Variants in PLPP1 observed in about 807,000 individuals in gnomAD.
PLPP1 encodes phospholipid phosphatase 1, also known as lipid phosphate phosphohydrolase 1a.
In PLPP1, 24 loss-of-function variants were observed where a neutral mutation model predicts 31.2. That is an observed-to-expected ratio of 0.77 (90% confidence interval 0.56 to 1.08). PLPP1 has a LOEUF of 1.08. Ranked by LOEUF, PLPP1 falls within the 50% of genes least tolerant of loss-of-function variation. The pLI is 0.00. For synonymous variants in PLPP1, 146 were observed against 126.3 expected (o/e 1.16, Z -1.05); for missense variants, 319 against 342.7 (o/e 0.93, Z 0.55).
chr5:55,434,843 C>G (rs1367391012), intron 4 of PLPP1, among the ~76,000 whole-genome samples: 1 of 152,094 alleles, frequency 6.6e-6, no homozygotes, highest in Non-Finnish European at 1.5e-5. Context: ...GGATATTGGT[C>G]TGGGCAAAGA....
intron 1 of PLPP1, among the ~76,000 whole-genome samples, chr5:55,503,351 G>C (rs183401775): frequency 6.6e-6 from 1 of 152,274 alleles, no homozygotes; most frequent in East Asian, 1.9e-4. Context: ...TGGTCATCTG[G>C]CTGTAATGTG....
rs1740815480 is a variant in PLPP1 at position 55,534,568 on chromosome 5, G to T, written c.58+4C>A. 3 of 1,542,272 alleles carry T rather than the reference G, an allele frequency of 1.9e-6. No individual in the cohort carries two copies. Among genetic ancestry groups the T allele is most frequent in the Non-Finnish European group, 1.7e-6 (2 of 1,146,548 alleles). On this transcript the variant is annotated splice_donor_region_variant and intron_variant, in intron 1 of 5. Transcript: ENST00000307259. ...GCCCCTCGGACCCGGCGGCGCGTAC[G>T]TACCCAGCAACACGCAGAGCACATC...
At chr5:55,449,080 T>C (rs763332040) in intron 3 of PLPP1, among the ~76,000 whole-genome samples, 20 of 152,218 alleles carry the variant, frequency 1.3e-4, no homozygotes, top group Non-Finnish European at 2.4e-4. Flanking sequence ...TCCACAGATA[T>C]GGAGAACTGA....
chr5:55,524,016 C>T (rs184428998), intron 1 of PLPP1, among the ~76,000 whole-genome samples: 87 of 152,228 alleles, frequency 5.7e-4, no homozygotes, highest in Non-Finnish European at 1.2e-3. Flanking sequence ...TTTGCAGCTC[C>T]TAGCATTGTA....
chr5:55,456,198 T>G (rs1752003500), intron 3 of PLPP1, among the ~76,000 whole-genome samples: 2 of 152,196 alleles, frequency 1.3e-5, no homozygotes. Flanking sequence ...CCACTTATGC[T>G]CTTAGTTCTA....
At chr5:55,518,328 T>G (rs925550766) in intron 1 of PLPP1, among the ~76,000 whole-genome samples, 1 of 151,924 alleles carries the variant, frequency 6.6e-6, no homozygotes, top group African/African-American at 2.4e-5. Flanking sequence ...TCTGGGTTAG[T>G]CTCATACAGC....
At chr5:55,484,941 T>A (rs1752745696) in intron 1 of PLPP1, 1 of 152,230 alleles carries the variant, frequency 6.6e-6, no homozygotes, top group South Asian at 2.1e-4. Context: ...CATATCAATG[T>A]GCCAGAAAAG....
chr5:55,482,748 G>A (rs1052778116), intron 1 of PLPP1, among the ~76,000 whole-genome samples: 31 of 152,022 alleles, frequency 2.0e-4, no homozygotes, highest in Admixed American at 1.9e-3. Context: ...AAGCCACTTC[G>A]CCATAAGAAC....
intron 3 of PLPP1, among the ~76,000 whole-genome samples, chr5:55,457,815 G>A (rs1386615877): frequency 6.6e-6 from 1 of 151,624 alleles, no homozygotes; most frequent in Non-Finnish European, 1.5e-5. Flanking sequence ...CTTGAACCCG[G>A]GAGGCAGAGG....
At chr5:55,481,076 C>G (rs1019671532) in intron 1 of PLPP1, among the ~76,000 whole-genome samples, 2 of 152,176 alleles carry the variant, frequency 1.3e-5, no homozygotes, top group Admixed American at 6.5e-5. Context: ...CCAAATACCA[C>G]AAGAACACTT....
At chr5:55,523,544 G>A (rs1245973779) in intron 1 of PLPP1, among the ~76,000 whole-genome samples, 1 of 152,184 alleles carries the variant, frequency 6.6e-6, no homozygotes, top group Non-Finnish European at 1.5e-5. Flanking sequence ...GAATGCAGAT[G>A]ACCAAGCTCC....
chr5:55,525,180 T>C (rs1248006258), intron 1 of PLPP1, among the ~76,000 whole-genome samples: 1 of 152,226 alleles, frequency 6.6e-6, no homozygotes, highest in South Asian at 2.1e-4. Flanking sequence ...TTATTTCTAC[T>C]AATATAATTA....
At chr5:55,462,867 A>AT (rs1213474763) in intron 3 of PLPP1, among the ~76,000 whole-genome samples, 1 of 151,904 alleles carries the variant, frequency 6.6e-6, no homozygotes, top group Non-Finnish European at 1.5e-5. Flanking sequence ...CAGCTACTCA[A>AT]GAGGCTCAGG....
chr5:55,468,861 A>G (rs951885977), intron 2 of PLPP1, among the ~76,000 whole-genome samples: 1 of 152,162 alleles, frequency 6.6e-6, no homozygotes, highest in Non-Finnish European at 1.5e-5. Flanking sequence ...ACTCCTGTGT[A>G]TAAGTACTTT....
At chr5:55,518,358 A>G (rs1226692345) in intron 1 of PLPP1, among the ~76,000 whole-genome samples, 1 of 151,306 alleles carries the variant, frequency 6.6e-6, no homozygotes, top group Admixed American at 6.6e-5. Context: ...AAAAAACCTC[A>G]TTTCATTATA....
intron 1 of PLPP1, among the ~76,000 whole-genome samples, chr5:55,476,115 A>C (rs560564847): frequency 6.6e-6 from 1 of 151,420 alleles, no homozygotes; most frequent in South Asian, 2.1e-4. Context: ...AGCAGCTGGG[A>C]CCACAGGCAC....
intron 1 of PLPP1, among the ~76,000 whole-genome samples, chr5:55,504,001 G>T (rs997681295): frequency 4.6e-5 from 7 of 151,886 alleles, no homozygotes; most frequent in African/African-American, 1.5e-4. Flanking sequence ...TGGAACGGGT[G>T]CGGTGGCTCA....
At chr5:55,462,787 G>C (rs1380844134) in intron 3 of PLPP1, among the ~76,000 whole-genome samples, 10 of 151,840 alleles carry the variant, frequency 6.6e-5, no homozygotes, top group East Asian at 3.9e-4. Flanking sequence ...TCCTGGCTAA[G>C]ACGGTGAAAC....
At chr5:55,469,775 T>C (rs1409705254) in intron 2 of PLPP1, among the ~76,000 whole-genome samples, 1 of 152,238 alleles carries the variant, frequency 6.6e-6, no homozygotes, top group Non-Finnish European at 1.5e-5. Flanking sequence ...CCTAAAATCC[T>C]TTCCTTACCT....
Sources: gnomAD v4.1 joint callset for allele counts (sites outside exome capture counted in the v4.1 genomes callset) on GRCh38, gnomAD v4.1.1 for gene constraint, MANE v1.5 for transcripts, NCBI Gene and HGNC (gene_info 2026-07-23, HGNC 2026-07-21) for gene names.